Variants in ULK4 observed in about 807,000 individuals in gnomAD.
The protein encoded by ULK4 is unc-51 like kinase 4.
ULK4 carries 133 observed loss-of-function variants against 160.6 expected under a neutral mutation model. That is an observed-to-expected ratio of 0.83 (90% CI 0.72 to 0.96). The LOEUF is 0.96. ULK4 is among the 40% of genes least tolerant of loss of function. The pLI, the probability that ULK4 is intolerant of heterozygous loss-of-function variation, is 0.00. For synonymous variants in ULK4, 534 were observed against 539.8 expected (o/e 0.99, Z 0.15); for missense variants, 1,580 against 1,499.5 (o/e 1.05, Z -0.89).
At chr3:41,855,342 G>A (rs1047373549) in intron 17 of ULK4, among the ~76,000 whole-genome samples, 40 of 152,296 alleles carry the variant, frequency 2.6e-4, no homozygotes, top group African/African-American at 9.4e-4. Flanking sequence ...CCAAGCCAGA[G>A]GCATATAATC....
intron 31 of ULK4, among the ~76,000 whole-genome samples, chr3:41,599,801 G>C (rs2031946889): frequency 6.6e-6 from 1 of 152,036 alleles, no homozygotes; most frequent in Non-Finnish European, 1.5e-5. Context: ...CCGGCCTCAA[G>C]TTATCTGCCT....
At chr3:41,856,736 T>C (rs2042374026) in intron 17 of ULK4, among the ~76,000 whole-genome samples, 1 of 150,448 alleles carries the variant, frequency 6.6e-6, no homozygotes, top group African/African-American at 2.4e-5. Context: ...TGAAACCCCA[T>C]TTCTACAAAA....
chr3:41,875,394 C>T (rs1344002709), intron 17 of ULK4, among the ~76,000 whole-genome samples: 7 of 151,962 alleles, frequency 4.6e-5, no homozygotes, highest in Admixed American at 4.6e-4. Context: ...TTCAATAAAG[C>T]TTGGCTAAAA....
At chr3:41,492,723 A>C (rs2084830013) in intron 32 of ULK4, among the ~76,000 whole-genome samples, 1 of 151,910 alleles carries the variant, frequency 6.6e-6, no homozygotes, top group African/African-American at 2.4e-5. Flanking sequence ...AAATAAAAGG[A>C]TGGAGGAAGA....
intron 16 of ULK4, among the ~76,000 whole-genome samples, chr3:41,892,921 G>A (rs1698017531): frequency 6.6e-6 from 1 of 152,182 alleles, no homozygotes; most frequent in East Asian, 1.9e-4. Context: ...AGTCAGTTGA[G>A]GAGACAAATT....
intron 32 of ULK4, among the ~76,000 whole-genome samples, chr3:41,496,003 T>C (rs1297156401): frequency 2.0e-5 from 3 of 152,236 alleles, no homozygotes; most frequent in Admixed American, 6.5e-5. Context: ...TAAAATATTG[T>C]ATTTCTGTAG....
chr3:41,378,164 A>C (rs1278452457), intron 35 of ULK4, among the ~76,000 whole-genome samples: 1 of 147,800 alleles, frequency 6.8e-6, no homozygotes, highest in African/African-American at 2.5e-5. Flanking sequence ...TATAGGTGGG[A>C]ATTGAACAAT....
At chr3:41,290,029 C>T (rs1014503632) in intron 35 of ULK4, among the ~76,000 whole-genome samples, 1 of 152,072 alleles carries the variant, frequency 6.6e-6, no homozygotes, top group Non-Finnish European at 1.5e-5. Flanking sequence ...GCACGTGCCA[C>T]CACACCTGGC....
At chr3:41,858,147 G>GTTTTTT (rs71288052) in intron 17 of ULK4, among the ~76,000 whole-genome samples, 115 of 92,126 alleles carry the variant, frequency 1.2e-3, no homozygotes, top group Non-Finnish European at 1.7e-3. Context: ...TTTTTTGTTT[G>GTTTTTT]TTTTTTTTTT....
chr3:41,624,700 T>C (rs906177245), intron 30 of ULK4, among the ~76,000 whole-genome samples: 2 of 152,160 alleles, frequency 1.3e-5, no homozygotes, highest in African/African-American at 4.8e-5. Flanking sequence ...TCAAGCTAAG[T>C]AATTTTTTTT....
chr3:41,771,616 C>T (rs9817510), intron 21 of ULK4, among the ~76,000 whole-genome samples: 43,501 of 151,594 alleles, frequency 0.29, 8,476 homozygotes, highest in African/African-American at 0.56. Context: ...ATACTGTGTG[C>T]GAGTAAAAGC....
intron 32 of ULK4, among the ~76,000 whole-genome samples, chr3:41,527,467 T>C (rs1575359758): frequency 1.3e-5 from 2 of 152,374 alleles, no homozygotes; most frequent in Non-Finnish European, 2.9e-5. Context: ...TATACTATTA[T>C]TATCCTATCA....
intron 32 of ULK4, among the ~76,000 whole-genome samples, chr3:41,550,420 T>G (rs1240029675): frequency 9.0e-6 from 1 of 110,946 alleles, no homozygotes; most frequent in Admixed American, 9.6e-5. Context: ...AACATACACA[T>G]AAACTTAAAG....
At chr3:41,451,568 A>T in intron 34 of ULK4, among the ~76,000 whole-genome samples, 1 of 152,098 alleles carries the variant, frequency 6.6e-6, no homozygotes, top group East Asian at 1.9e-4. Flanking sequence ...AAGATCACAC[A>T]GCTGGGCAGC....
intron 21 of ULK4, among the ~76,000 whole-genome samples, chr3:41,771,611 G>GCA (rs1268316933): frequency 2.1e-5 from 3 of 143,726 alleles, no homozygotes; most frequent in African/African-American, 6.0e-5. Flanking sequence ...AAATCATACT[G>GCA]TGTGCGAGTA....
intron 21 of ULK4, among the ~76,000 whole-genome samples, chr3:41,762,877 A>G (rs778536751): frequency 2.6e-5 from 4 of 151,862 alleles, no homozygotes; most frequent in Non-Finnish European, 5.9e-5. Context: ...GTTAGCCAGG[A>G]TTGTCTCAAT....
intron 35 of ULK4, among the ~76,000 whole-genome samples, chr3:41,279,983 A>G (rs193281131): frequency 6.6e-6 from 1 of 152,160 alleles, no homozygotes; most frequent in Admixed American, 6.5e-5. Context: ...AAAACAAAAC[A>G]AAACTAAAAA....
chr3:41,815,109 A>G (rs2040927094), intron 19 of ULK4, among the ~76,000 whole-genome samples: 1 of 152,024 alleles, frequency 6.6e-6, no homozygotes, highest in Non-Finnish European at 1.5e-5. Flanking sequence ...TGGTTTCACC[A>G]TTTTCATCAG....
intron 3 of ULK4, chr3:41,937,888 G>A (rs954212058): frequency 5.6e-6 from 2 of 356,704 alleles, no homozygotes; most frequent in Non-Finnish European, 1.0e-5. Context: ...TGTATATAAC[G>A]TAATAATACA....
Sources: allele counts gnomAD v4.1 joint callset (sites outside exome capture counted in the v4.1 genomes callset), GRCh38; gene constraint gnomAD v4.1.1; transcripts MANE v1.5; gene names NCBI Gene and HGNC (gene_info 2026-07-23, HGNC 2026-07-21).